ZNF225: variants seen among roughly 807,000 people sequenced by gnomAD.
ZNF225 encodes the protein zinc finger protein 225.
A neutral mutation model predicts 12.0 loss-of-function variants in ZNF225; 6 were observed. The ratio of observed to expected loss-of-function variants is 0.50; its 90% CI spans 0.27 to 0.98. The LOEUF is 0.98. ZNF225 is among the 50% of genes least tolerant of loss of function. The pLI, the probability that ZNF225 is intolerant of heterozygous loss-of-function variation, is 0.11. For missense variants in ZNF225, 763 were observed against 848.2 expected, an observed-to-expected ratio of 0.90 and a Z score of 1.25; for synonymous variants, 271 against 283.2, an observed-to-expected ratio of 0.96 and a Z score of 0.43.
At position 44,129,960 on chromosome 19, in the gene ZNF225, A is replaced by G. The variant is rs1968213653; in HGVS notation, c.236-890A>G. The G allele has an allele frequency of 3.9e-5, 6 of 152,236 alleles. No individual in the cohort carries two copies. In the South Asian group the frequency reaches 1.2e-3, roughly 31 times the overall value. The allele number at this position is 152,236 out of a possible 1,614,324, so 9.4% of individuals were successfully genotyped here. A position where few individuals can be genotyped will look rare whatever the true frequency, so the allele number is the denominator to read the frequency against. Reference sequence around the variant, plus strand: ...ATGTTATGGCTTCTCCTTAAAGTTCACATTTGATTCATATTTCACTGTTTA... The same window carrying G: ...ATGTTATGGCTTCTCCTTAAAGTTCGCATTTGATTCATATTTCACTGTTTA... On this transcript the variant is annotated intron_variant, in intron 4 of 4. Transcript: ENST00000262894.
chr19:44,118,910 G>A (rs543482602), intron 4 of ZNF225, among the ~76,000 whole-genome samples: 1 of 151,176 alleles, frequency 6.6e-6, no homozygotes, highest in Non-Finnish European at 1.5e-5. Context: ...TCCGCTTCCC[G>A]GGTTCACGCC....
chr19:44,118,266 C>G lies in ZNF225; in HGVS notation c.94C>G (p.Leu32Val). ...GCTGCTGGACCTTGCCCAGAGGAAA[C>G]TGTACCGAGAAGTGATGCTGGAGAA... ...LRLLDLAQRK[L>V]YREVMLENFR... Residue 32 changes from leucine (L) to valine (V), a missense_variant, in exon 3 of 5, where the codon CTG (leucine) becomes GTG (valine). Coordinates refer to ENST00000262894, the MANE Select transcript of ZNF225 (RefSeq NM_013362.4). The G allele has an allele frequency of 1.2e-6, 2 of 1,613,508 alleles. No homozygotes were observed. The highest frequency in any genetic ancestry group is 1.7e-6 in the Non-Finnish European group (2 of 1,179,752).
At chr19:44,114,344 A>G in intron 1 of ZNF225, 1 of 411,634 alleles carries the variant, frequency 2.4e-6, no homozygotes, top group Non-Finnish European at 4.4e-6. Context: ...GAAAGATAGC[A>G]TAGCTTTCAT....
At chr19:44,128,314 G>A (rs894526280) in intron 4 of ZNF225, 4 of 152,118 alleles carry the variant, frequency 2.6e-5, no homozygotes, top group Non-Finnish European at 4.4e-5. Context: ...TACAGATTTC[G>A]TACAGTCTTC....
chr19:44,117,345 A>G (rs997190791), intron 2 of ZNF225, among the ~76,000 whole-genome samples: 24 of 152,340 alleles, frequency 1.6e-4, no homozygotes, highest in Admixed American at 1.6e-3. Context: ...GCTGCAATCA[A>G]TGTATGTAGT....
chr19:44,130,635 A>T, intron 4 of ZNF225: 1 of 409,664 alleles, frequency 2.4e-6, no homozygotes. Context: ...CAGGAGGTGG[A>T]GCTTGCAGTG....
chr19:44,131,122 C>T lies in ZNF225; in HGVS notation c.508C>T (p.Gln170Ter), dbSNP rs780591622. 3.6e-5 allele frequency: 58 copies of T among 1,614,182 alleles called. 1 individual carries two copies. Among genetic ancestry groups the T allele is most frequent in the Non-Finnish European group, 4.7e-5 (55 of 1,180,030 alleles). Residue 170 changes from glutamine to a stop codon, truncating the protein, a stop_gained, in exon 5 of 5, where the codon CAG (glutamine) becomes TAG (stop). Coordinates refer to ENST00000262894, the MANE Select transcript of ZNF225 (RefSeq NM_013362.4). LOFTEE classifies it low-confidence loss of function (END_TRUNC). ...CGTCCTTGATCTTCATCAACAACTA[C>T]AGTCAAGAGAGAAGTCTCATACATG... is the stretch of plus-strand genomic sequence containing the variant. ...VSVLDLHQQL[Q>*]SREKSHTCDE...
chr19:44,127,149 T>G (rs1026591387), intron 4 of ZNF225, among the ~76,000 whole-genome samples: 4 of 152,264 alleles, frequency 2.6e-5, no homozygotes, highest in African/African-American at 9.6e-5. Context: ...GCTGCCTTCC[T>G]GATGGATCCC....
Position 44,132,830 on chromosome 19 carries a change from A to C in ZNF225, c.*95A>C. ...GTGTAATTAACATACCTATCACCTC[A>C]AACATTTATCATTTATTTATGTTGG... On this transcript the variant is annotated 3_prime_UTR_variant, in exon 5 of 5. Transcript: ENST00000262894. The C allele has an allele frequency of 9.3e-7, 1 of 1,077,916 alleles. No homozygotes were observed. The highest frequency in any genetic ancestry group is 2.6e-5 in the East Asian group (1 of 37,966). 66.8% of individuals were successfully genotyped at this position (1,077,916 alleles called of 1,614,324 possible).
chr19:44,131,163 G>C lies in ZNF225; in HGVS notation c.549G>C (p.Lys183Asn). ...EKSHTCDECG[K>N]SFCYSSALRI... ...CTCATACATGTGATGAATGTGGAAA[G>C]AGTTTCTGTTATAGCTCAGCTCTTC... Residue 183 changes from lysine to asparagine, a missense_variant, in exon 5 of 5, where the codon AAG becomes AAC. Coordinates refer to ENST00000262894, the MANE Select transcript of ZNF225 (RefSeq NM_013362.4). The C allele has an allele frequency of 6.2e-7, 1 of 1,614,180 alleles. No individual in the cohort carries two copies. The highest frequency in any genetic ancestry group is 8.5e-7 in the Non-Finnish European group (1 of 1,180,034).
rs1435149449 is a variant in ZNF225, at chr19:44,132,569, T to C, written c.1955T>C (p.Leu652Pro). 4 of 1,613,966 alleles carry C rather than the reference T, an allele frequency of 2.5e-6. No individual in the cohort carries two copies. The South Asian group carries it at 3.3e-5, about 13-fold the overall frequency. The change falls in exon 5 of 5, where the codon CTT becomes CCT. Residue 652 changes from leucine to proline, a missense_variant. By Grantham distance (98) the Leu-to-Pro change is moderately conservative (BLOSUM62 -3). Coordinates refer to ENST00000262894, the MANE Select transcript of ZNF225 (RefSeq NM_013362.4). ...AGACTCCACAGTAGAGAAAAACTAC[T>C]TCAATGTGAGGACTGTGGGAAGAGC... is the stretch of plus-strand genomic sequence containing the variant. The part of the protein sequence containing the change: ...HQRLHSREKL[L>P]QCEDCGKSIV...
rs762062304 is a variant in ZNF225, at chr19:44,131,069, C to G, written c.455C>G (p.Thr152Arg). Residue 152 changes from threonine (T) to arginine (R), a missense_variant, in exon 5 of 5, where the codon ACG (threonine) becomes AGG (arginine). Thr to Arg is a moderately conservative substitution (Grantham distance 71). Transcript: ENST00000262894. Reference protein sequence around the residue: ...HVRQKPSEGRTCKKSFSDVSV... With the variant: ...HVRQKPSEGRRCKKSFSDVSV... Reference sequence around the variant, plus strand: ...AGACAGAAACCTTCTGAGGGTAGGACGTGTAAAAAGTCCTTTAGTGATGTC... The same window carrying G: ...AGACAGAAACCTTCTGAGGGTAGGAGGTGTAAAAAGTCCTTTAGTGATGTC... The G allele has an allele frequency of 9.9e-6, 16 of 1,614,012 alleles. No individual in the cohort carries two copies. The highest frequency in any genetic ancestry group is 1.2e-5 in the Non-Finnish European group (14 of 1,179,902).
At chr19:44,116,540 C>G (rs913429290) in intron 2 of ZNF225, among the ~76,000 whole-genome samples, 1 of 152,114 alleles carries the variant, frequency 6.6e-6, no homozygotes. Flanking sequence ...GAAAATATAA[C>G]AGCCTAGAGC....
chr19:44,113,977 G>A (rs1967883650), intron 1 of ZNF225: 1 of 281,022 alleles, frequency 3.6e-6, no homozygotes, highest in South Asian at 1.3e-4. Context: ...CCAGCTGCAG[G>A]GGCACCGGCC....
At chr19:44,120,375 A>G (rs1161389653) in intron 4 of ZNF225, among the ~76,000 whole-genome samples, 2 of 152,216 alleles carry the variant, frequency 1.3e-5, no homozygotes, top group South Asian at 2.1e-4. Context: ...TTCACAGGCT[A>G]GAAGGTATTG....
chr19:44,118,128 C>CTGGAGA, intron 2 of ZNF225, 60 bp from the exon 3 acceptor site: 1 of 1,568,154 alleles, frequency 6.4e-7, no homozygotes, highest in Non-Finnish European at 8.6e-7. Flanking sequence ...TGCTCAGTGC[C>CTGGAGA]ACCCCTCTCT....
At position 44,119,702 on chromosome 19, in the gene ZNF225, C is replaced by G. The variant is rs1036603955; in HGVS notation, c.235+1128C>G. Among the ~76,000 whole-genome samples, 12 of 152,316 alleles carry G rather than the reference C, an allele frequency of 7.9e-5. No homozygotes were observed. The East Asian group carries it at 2.3e-3, about 29-fold the overall frequency. On this transcript the variant is annotated intron_variant, in intron 4 of 4. Coordinates refer to ENST00000262894, the MANE Select transcript of ZNF225 (RefSeq NM_013362.4). Reference sequence around the variant, plus strand: ...AATTGCATCTGCAATCCCAGTCCCCCTTGCTGTGTAATATAACATGTTCAT... The same window carrying G: ...AATTGCATCTGCAATCCCAGTCCCCGTTGCTGTGTAATATAACATGTTCAT...
At chr19:44,128,507 T>A (rs1173357667) in intron 4 of ZNF225, 2 of 152,250 alleles carry the variant, frequency 1.3e-5, no homozygotes, top group East Asian at 3.9e-4. Context: ...TGTGCACCAG[T>A]AGGTACACAC....
At chr19:44,112,481 A>G (rs1205968441), upstream of ZNF225, among the ~76,000 whole-genome samples, 1 of 152,120 alleles carries the variant, frequency 6.6e-6, no homozygotes, top group Non-Finnish European at 1.5e-5. Flanking sequence ...TGCCATTGCC[A>G]TTGAATTATG....
Sources: allele counts gnomAD v4.1 joint callset (sites outside exome capture counted in the v4.1 genomes callset), GRCh38; gene constraint gnomAD v4.1.1; transcripts MANE v1.5; gene names NCBI Gene and HGNC (gene_info 2026-07-23, HGNC 2026-07-21).